The following NFYA variants were observed in gnomAD, a reference collection of about 807,000 sequenced individuals.
NFYA encodes the protein CAAT-box DNA binding protein subunit A.
In NFYA, 28 loss-of-function variants were observed where a neutral mutation model predicts 52.8. The observed-to-expected ratio is 0.53, with a 90% confidence interval of 0.39 to 0.73. The LOEUF is 0.73. NFYA is among the 30% of genes least tolerant of loss of function. NFYA has a pLI of 0.00. For synonymous variants in NFYA, 150 were observed against 150.7 expected (o/e 1.00, Z 0.03); for missense variants, 234 against 427.0 (o/e 0.55, Z 3.98).
intron 2 of NFYA, among the ~76,000 whole-genome samples, chr6:41,079,698 T>C (rs961675598): frequency 6.6e-6 from 1 of 152,248 alleles, no homozygotes; most frequent in Non-Finnish European, 1.5e-5. Flanking sequence ...CTTTCTTGAA[T>C]TTATACACAG....
Position 41,102,009 on chromosome 6 carries a change from G to C in NFYA, c.*4599G>C, listed in dbSNP as rs1007016911. 6.6e-6 allele frequency: 1 copy of C among 152,246 alleles called. No homozygotes were observed. The highest frequency in any genetic ancestry group is 2.4e-5 in the African/African-American group (1 of 41,448). The allele number at this position is 152,246 out of a possible 1,614,324, so 9.4% of individuals were successfully genotyped here. On this transcript the variant is annotated 3_prime_UTR_variant, in exon 10 of 10. Transcript: ENST00000341376. Reference sequence around the variant, plus strand: ...ATCGTAATTTCTGCTTTGTTGGTCAGGGTTTACAGCATTAATGGACAGGTT... The same window carrying C: ...ATCGTAATTTCTGCTTTGTTGGTCACGGTTTACAGCATTAATGGACAGGTT...
chr6:41,094,085 C>G (rs998392168), intron 8 of NFYA, among the ~76,000 whole-genome samples: 22 of 152,262 alleles, frequency 1.4e-4, no homozygotes, highest in African/African-American at 5.3e-4. Flanking sequence ...CTCATTTGCT[C>G]AAACGAAATT....
In NFYA at chr6:41,101,568, G is replaced by A. The variant is rs1045263346; in HGVS notation, c.*4158G>A. 1.3e-5 allele frequency among the ~76,000 whole-genome samples: 2 copies of A among 152,102 alleles called. No individual in the cohort carries two copies. Among genetic ancestry groups the A allele is most frequent in the Non-Finnish European group, 2.9e-5 (2 of 68,030 alleles). ...TTGGCGTCATAAGTATATGCCCGCC[G>A]TTGTTCTGGCCGTAGCTATCTAGCA... On this transcript the variant is annotated 3_prime_UTR_variant, in exon 10 of 10. Transcript: ENST00000341376.
At position 41,102,060 on chromosome 6, in the gene NFYA, G is replaced by A. The variant is rs2113834683; in HGVS notation, c.*4650G>A. 6.6e-6 allele frequency: 1 copy of A among 152,348 alleles called. No individual in the cohort carries two copies. Among genetic ancestry groups the A allele is most frequent in the East Asian group, 1.9e-4 (1 of 5,188 alleles). 9.4% of individuals were successfully genotyped at this position (152,348 alleles called of 1,614,324 possible). On this transcript the variant is annotated 3_prime_UTR_variant, in exon 10 of 10. Coordinates refer to ENST00000341376, the MANE Select transcript of NFYA (RefSeq NM_002505.5). ...CACCCTGACCTACAAGTCGGAACGT[G>A]ACATGGACAAACTGGCCCATATCTT... is the stretch of plus-strand genomic sequence containing the variant.
rs1764201690 is a variant in NFYA, at chr6:41,091,770, A to C, written c.714+76A>C. On this transcript the variant is annotated intron_variant, in intron 7 of 9. Transcript: ENST00000341376. Reference sequence around the variant, plus strand: ...AACTTGATGCCTCCTAAAATTTATTATGTTGACCTCTTGGGATTGAGATCG... The same window carrying C: ...AACTTGATGCCTCCTAAAATTTATTCTGTTGACCTCTTGGGATTGAGATCG... 2.6e-6 allele frequency: 4 copies of C among 1,520,314 alleles called. No homozygotes were observed. The South Asian group carries it at 4.9e-5, about 19-fold the overall frequency. 94.2% of individuals were successfully genotyped at this position (1,520,314 alleles called of 1,614,324 possible).
rs1248514999 is a variant in NFYA, at chr6:41,102,360, A to G, written c.*4950A>G. Among the ~76,000 whole-genome samples the G allele has an allele frequency of 6.6e-6, 1 of 152,206 alleles. No homozygotes were observed. Among genetic ancestry groups the G allele is most frequent in the Non-Finnish European group, 1.5e-5 (1 of 68,030 alleles). On this transcript the variant is annotated 3_prime_UTR_variant, in exon 10 of 10. Transcript: ENST00000341376. ...CAGGAGGAGCTAATTTCCTTTGCAC[A>G]TTTGTATTTTATTTCAAAATAAAGT...
rs188324170 is a variant in NFYA at position 41,102,030 on chromosome 6, A to C, written c.*4620A>C. The C allele has an allele frequency of 6.6e-6, 1 of 152,354 alleles. No homozygotes were observed. The highest frequency in any genetic ancestry group is 6.5e-5 in the Admixed American group (1 of 15,302). 9.4% of individuals were successfully genotyped at this position (152,354 alleles called of 1,614,324 possible). ...GTCAGGGTTTACAGCATTAATGGAC[A>C]GGTTCACCCTGACCTACAAGTCGGA... On this transcript the variant is annotated 3_prime_UTR_variant, in exon 10 of 10. Transcript: ENST00000341376.
chr6:41,073,274 G>C (rs929970179), intron 1 of NFYA, among the ~76,000 whole-genome samples, 190 bp downstream of exon 1: 2 of 151,632 alleles, frequency 1.3e-5, no homozygotes, highest in African/African-American at 4.8e-5. Context: ...TCCCGGCCGA[G>C]GCCTGCAGGG....
intron 1 of NFYA, among the ~76,000 whole-genome samples, chr6:41,078,736 A>G (rs954588494): frequency 6.6e-6 from 1 of 152,230 alleles, no homozygotes; most frequent in East Asian, 1.9e-4. Flanking sequence ...TATGCCTTGT[A>G]TCAAAGTGAT....
chr6:41,092,799 TA>T, intron 7 of NFYA, 112 bp from the exon 8 acceptor site: 1 of 1,092,116 alleles, frequency 9.2e-7, no homozygotes, highest in Non-Finnish European at 1.3e-6. Context: ...AAGTACCCTA[TA>T]AAAATTACTT....
rs999769373 is a variant in NFYA, at chr6:41,102,130, AG to A, written c.*4723del. On this transcript the variant is annotated 3_prime_UTR_variant, in exon 10 of 10. Coordinates refer to ENST00000341376, the MANE Select transcript of NFYA (RefSeq NM_002505.5). ...ATCGTGGAGCGTGAGTGATCATTGT[AG>A]GGTAACAAGGTGTGGTGCTGGGCTC... The A allele has an allele frequency of 7.9e-5, 12 of 152,204 alleles. No homozygotes were observed. Among genetic ancestry groups the A allele is most frequent in the African/African-American group, 2.7e-4 (11 of 41,440 alleles). 9.4% of individuals were successfully genotyped at this position (152,204 alleles called of 1,614,324 possible).
chr6:41,099,875 C>T lies in NFYA; in HGVS notation c.*2465C>T, dbSNP rs1023045682. Reference sequence around the variant, plus strand: ...ATTTTTCTTTGGGATTCAACTATATCGAAGGTTTTTCCCCCAGCAGTATGG... The same window carrying T: ...ATTTTTCTTTGGGATTCAACTATATTGAAGGTTTTTCCCCCAGCAGTATGG... On this transcript the variant is annotated 3_prime_UTR_variant, in exon 10 of 10. Coordinates refer to ENST00000341376, the MANE Select transcript of NFYA (RefSeq NM_002505.5). 1.3e-4 allele frequency: 19 copies of T among 151,964 alleles called. No homozygotes were observed. The highest frequency in any genetic ancestry group is 4.6e-4 in the African/African-American group (19 of 41,366). The allele number at this position is 151,964 out of a possible 1,614,324, so 9.4% of individuals were successfully genotyped here. A position where few individuals can be genotyped will look rare whatever the true frequency, so the allele number is the denominator to read the frequency against.
chr6:41,091,068 G>C (rs1329588077), intron 6 of NFYA, among the ~76,000 whole-genome samples: 1 of 152,198 alleles, frequency 6.6e-6, no homozygotes, highest in African/African-American at 2.4e-5. Flanking sequence ...AAATCCTCAA[G>C]TGCTGCTATT....
At chr6:41,080,144 G>T (rs1763866516) in intron 2 of NFYA, among the ~76,000 whole-genome samples, 1 of 152,098 alleles carries the variant, frequency 6.6e-6, no homozygotes, top group South Asian at 2.1e-4. Flanking sequence ...AGTCCAGTTG[G>T]GTAGAAATAA....
Position 41,084,074 on chromosome 6 carries a change from T to C in NFYA, c.191T>C (p.Val64Ala), listed in dbSNP as rs1763979409. 2.5e-6 allele frequency: 4 copies of C among 1,613,668 alleles called. No homozygotes were observed. The highest frequency in any genetic ancestry group is 3.4e-6 in the Non-Finnish European group (4 of 1,179,828). Residue 64 changes from valine (V) to alanine (A), a missense_variant, in exon 4 of 10, where the codon GTC becomes GCC. Coordinates refer to ENST00000341376, the MANE Select transcript of NFYA (RefSeq NM_002505.5). ...CAAGGGCAGCCATTAATGGTGCAGG[T>C]CAGTGGAGGCCAGCTAATCACATCA... ...VVQGQPLMVQ[V>A]SGGQLITSTG...
intron 4 of NFYA, 31 bp downstream of exon 4, chr6:41,084,223 T>C (rs1763981987): frequency 1.9e-6 from 3 of 1,606,960 alleles, no homozygotes; most frequent in Non-Finnish European, 2.6e-6. Context: ...TTGAGCAGTA[T>C]ATCAGAGGAG....
chr6:41,076,786 A>C (rs1257551630), intron 1 of NFYA, among the ~76,000 whole-genome samples: 1 of 152,238 alleles, frequency 6.6e-6, no homozygotes, highest in Non-Finnish European at 1.5e-5. Flanking sequence ...TTTGGGAAAG[A>C]CTATCGAATT....
At chr6:41,094,931 T>C (rs1764306761) in intron 9 of NFYA, among the ~76,000 whole-genome samples, 1 of 152,366 alleles carries the variant, frequency 6.6e-6, no homozygotes, top group South Asian at 2.1e-4. Context: ...TTTATTTTTA[T>C]TGAACAGGTT....
At chr6:41,082,155 A>T (rs1404052881) in intron 3 of NFYA, among the ~76,000 whole-genome samples, 1 of 152,142 alleles carries the variant, frequency 6.6e-6, no homozygotes, top group African/African-American at 2.4e-5. Flanking sequence ...ACTACCTCTT[A>T]TTGTCATCAC....
Sources: allele counts gnomAD v4.1 joint callset (sites outside exome capture counted in the v4.1 genomes callset), GRCh38; gene constraint gnomAD v4.1.1; transcripts MANE v1.5; gene names NCBI Gene and HGNC (gene_info 2026-07-23, HGNC 2026-07-21).